Variants in EPHA6 observed in about 807,000 individuals in gnomAD.
The protein encoded by EPHA6 is ephrin type-A receptor 6.
A neutral mutation model predicts 112.0 loss-of-function variants in EPHA6; 50 were observed. That is an observed-to-expected ratio of 0.45 (90% CI 0.36 to 0.56). The LOEUF (loss-of-function observed/expected upper bound fraction) is 0.56. Ranked by LOEUF, EPHA6 falls within the 20% of genes least tolerant of loss-of-function variation. EPHA6 has a pLI of 0.00. For missense variants in EPHA6, 1,280 were observed against 1,417.4 expected (o/e 0.90, Z 1.56); for synonymous variants, 529 against 490.7 (o/e 1.08, Z -1.03).
chr3:96,861,293 C>G (rs918197872), intron 1 of EPHA6, among the ~76,000 whole-genome samples: 17 of 152,046 alleles, frequency 1.1e-4, no homozygotes, highest in Non-Finnish European at 2.5e-4. Context: ...TAGAGTATAA[C>G]TTGCTTTCTA....
At chr3:97,093,609 T>G (rs2047143312) in intron 3 of EPHA6, among the ~76,000 whole-genome samples, 1 of 152,022 alleles carries the variant, frequency 6.6e-6, no homozygotes, top group African/African-American at 2.4e-5. Flanking sequence ...TAATGAAGAT[T>G]AACTGAGATA....
At chr3:97,027,079 A>G (rs1184918950) in intron 3 of EPHA6, among the ~76,000 whole-genome samples, 2 of 152,222 alleles carry the variant, frequency 1.3e-5, no homozygotes, top group Non-Finnish European at 2.9e-5. Context: ...AAAACGTGGT[A>G]CATGTACACC....
chr3:97,432,613 T>C (rs1054498903), intron 6 of EPHA6, among the ~76,000 whole-genome samples: 5 of 152,134 alleles, frequency 3.3e-5, no homozygotes, highest in Non-Finnish European at 1.5e-5. Context: ...CATACTGCTA[T>C]GAAGATACTA....
Position 96,987,903 on chromosome 3 carries a change from C to T in EPHA6, c.1024C>T (p.Leu342=). ...KSAEERDTPK[L]YCGADGDWLV... ...TGCTGAAGAGCGTGACACTCCTAAA[C>T]TGTATTGTGGAGCTGATGGAGATTG... The change falls in exon 3 of 18, where the codon CTG becomes TTG. Residue 342 remains leucine (L), a synonymous_variant. Transcript: ENST00000389672. The T allele has an allele frequency of 6.2e-7, 1 of 1,613,754 alleles. No homozygotes were observed. The highest frequency in any genetic ancestry group is 8.5e-7 in the Non-Finnish European group (1 of 1,179,788).
intron 3 of EPHA6, among the ~76,000 whole-genome samples, chr3:97,201,667 G>A (rs1377032328): frequency 6.6e-6 from 1 of 152,024 alleles, no homozygotes; most frequent in Non-Finnish European, 1.5e-5. Context: ...AGTTAAATTT[G>A]TATAACATTA....
chr3:97,406,245 C>A (rs2087336214), intron 6 of EPHA6, among the ~76,000 whole-genome samples: 1 of 152,026 alleles, frequency 6.6e-6, no homozygotes. Context: ...TAACAGAATA[C>A]CACAGATGGA....
intron 3 of EPHA6, among the ~76,000 whole-genome samples, chr3:97,198,241 T>A (rs905878420): frequency 2.0e-5 from 3 of 152,158 alleles, no homozygotes; most frequent in African/African-American, 7.2e-5. Context: ...TATCTGGCTG[T>A]CTTGCTCTGC....
chr3:96,973,111 T>A (rs184190284), intron 2 of EPHA6, among the ~76,000 whole-genome samples: 2 of 152,292 alleles, frequency 1.3e-5, no homozygotes, highest in Admixed American at 6.5e-5. Context: ...AGGAATCTGG[T>A]TTTTTGGCCT....
intron 3 of EPHA6, among the ~76,000 whole-genome samples, chr3:97,102,639 A>G (rs1278975110): frequency 6.6e-6 from 1 of 152,160 alleles, no homozygotes; most frequent in East Asian, 1.9e-4. Context: ...GTATATACCC[A>G]GTAATGGGAT....
At chr3:96,884,915 T>G (rs780883592) in intron 2 of EPHA6, among the ~76,000 whole-genome samples, 2 of 152,190 alleles carry the variant, frequency 1.3e-5, no homozygotes, top group Non-Finnish European at 2.9e-5. Flanking sequence ...CCAATTTTGC[T>G]GAAAGTTTTA....
At chr3:97,732,237 T>C (rs1399399736) in intron 15 of EPHA6, among the ~76,000 whole-genome samples, 2 of 151,414 alleles carry the variant, frequency 1.3e-5, no homozygotes, top group African/African-American at 2.4e-5. Context: ...TAAATCTACT[T>C]GCATTCTAGA....
intron 2 of EPHA6, among the ~76,000 whole-genome samples, chr3:96,949,140 G>A (rs1277162598): frequency 6.6e-6 from 1 of 152,100 alleles, no homozygotes; most frequent in Non-Finnish European, 1.5e-5. Flanking sequence ...TGTACATCAG[G>A]TCGAAAATAA....
intron 3 of EPHA6, among the ~76,000 whole-genome samples, chr3:97,049,413 T>C (rs2045614609): frequency 6.6e-6 from 1 of 152,174 alleles, no homozygotes; most frequent in Non-Finnish European, 1.5e-5. Flanking sequence ...GTGAATCCCA[T>C]AGAAATATTA....
At chr3:96,974,695 C>G (rs1369739407) in intron 2 of EPHA6, among the ~76,000 whole-genome samples, 1 of 151,478 alleles carries the variant, frequency 6.6e-6, no homozygotes, top group African/African-American at 2.4e-5. Flanking sequence ...TTTATGAATC[C>G]TTTTTTTTGG....
intron 10 of EPHA6, among the ~76,000 whole-genome samples, chr3:97,499,878 TA>T (rs1351006696): frequency 6.6e-6 from 1 of 152,188 alleles, no homozygotes; most frequent in Non-Finnish European, 1.5e-5. Flanking sequence ...ATGTAAACTT[TA>T]TAAACACTGT....
intron 13 of EPHA6, among the ~76,000 whole-genome samples, chr3:97,614,034 A>G (rs1482797075): frequency 1.3e-5 from 2 of 152,168 alleles, no homozygotes; most frequent in African/African-American, 2.4e-5. Flanking sequence ...TCCACTTAGA[A>G]CTTCCCATTT....
intron 3 of EPHA6, among the ~76,000 whole-genome samples, chr3:97,104,675 A>G (rs1374634193): frequency 1.3e-5 from 2 of 151,532 alleles, no homozygotes; most frequent in Non-Finnish European, 3.0e-5. Context: ...TAGTTGAGAA[A>G]TCCTTCCGCC....
At chr3:96,962,719 C>T (rs773486438) in intron 2 of EPHA6, among the ~76,000 whole-genome samples, 1 of 151,668 alleles carries the variant, frequency 6.6e-6, no homozygotes, top group Non-Finnish European at 1.5e-5. Context: ...ATTGACCTTG[C>T]CTGTGCTTGC....
intron 6 of EPHA6, among the ~76,000 whole-genome samples, chr3:97,442,494 A>G (rs1459368667): frequency 6.6e-6 from 1 of 152,024 alleles, no homozygotes; most frequent in Admixed American, 6.6e-5. Context: ...GCTGAGGCAG[A>G]AGAATCGCTT....
Sources: allele counts gnomAD v4.1 joint callset (sites outside exome capture counted in the v4.1 genomes callset), GRCh38; gene constraint gnomAD v4.1.1; transcripts MANE v1.5; gene names NCBI Gene and HGNC (gene_info 2026-07-23, HGNC 2026-07-21).